HHIPL2: variants seen among roughly 807,000 people sequenced by gnomAD.
HHIPL2 encodes HHIP like 2, also known as HHIP-like protein 2.
A neutral mutation model predicts 61.0 loss-of-function variants in HHIPL2; 61 were observed. The observed-to-expected ratio is 1.00, with a 90% confidence interval of 0.81 to 1.24. The LOEUF (loss-of-function observed/expected upper bound fraction) is 1.24, where lower values mean the gene tolerates loss of function less well. Ranked by LOEUF, HHIPL2 falls within the 50% of genes most tolerant of loss-of-function variation. HHIPL2 has a pLI of 0.00. For synonymous variants in HHIPL2, 343 were observed against 357.4 expected, an observed-to-expected ratio of 0.96 and a Z score of 0.45; for missense variants, 885 against 910.2, an observed-to-expected ratio of 0.97 and a Z score of 0.36.
rs760096344 is a variant in HHIPL2, at chr1:222,522,628, C to A, written c.2148G>T (p.Gln716His). Residue 716 changes from glutamine to histidine, a missense_variant, in exon 9 of 9, where the codon CAG becomes CAT. Physicochemically the swap from Gln to His is conservative, Grantham distance 24. Transcript: ENST00000343410. ...HSGRMRPSAE[Q>H]KRAGRSLP The stretch of plus-strand genomic sequence containing the variant: ...AAGGGAGACTTCTGCCAGCTCGCTT[C>A]TGCTCTGCTGATGGCCTCATCCTGC... 1.2e-6 allele frequency: 2 copies of A among 1,613,800 alleles called. No individual in the cohort carries two copies. Among genetic ancestry groups the A allele is most frequent in the Admixed American group, 1.7e-5 (1 of 60,010 alleles).
chr1:222,539,116 G>A (rs1659368652), intron 4 of HHIPL2: 1 of 259,706 alleles, frequency 3.9e-6, no homozygotes. Flanking sequence ...TATTGTCACA[G>A]TCTGTAAGAC....
chr1:222,544,226 C>T, intron 1 of HHIPL2, 37 bp from the exon 2 acceptor site: 2 of 1,571,296 alleles, frequency 1.3e-6, no homozygotes, highest in South Asian at 1.1e-5. Flanking sequence ...CAGCATCAGA[C>T]CTGCCACACC....
chr1:222,542,123 T>C lies in HHIPL2; in HGVS notation c.1007A>G (p.Asn336Ser), dbSNP rs768764400. 8 of 1,613,812 alleles carry C rather than the reference T, an allele frequency of 5.0e-6. No homozygotes were observed. In the Admixed American group the frequency reaches 1.0e-4, roughly 20 times the overall value. ...AAAAAGAAGTTGTCCGCCATTATGGTTTGAGGCTGGTTCTTCAATCTCCAA... is the reference window on the plus strand; with the variant it reads ...AAAAAGAAGTTGTCCGCCATTATGGCTTGAGGCTGGTTCTTCAATCTCCAA... ...VILEIEEPASNHNGGQLLFGL... is the reference protein window; with the variant it reads ...VILEIEEPASSHNGGQLLFGL... Residue 336 changes from asparagine to serine, a missense_variant, in exon 3 of 9, where the codon AAC becomes AGC. Coordinates refer to ENST00000343410, the MANE Select transcript of HHIPL2 (RefSeq NM_024746.4).
intron 5 of HHIPL2, 40 bp from the exon 6 acceptor site, chr1:222,532,151 A>G: frequency 6.4e-7 from 1 of 1,574,606 alleles, no homozygotes; most frequent in Non-Finnish European, 8.7e-7. Context: ...GAATCCATAT[A>G]TCCACTCTGC....
chr1:222,529,419 G>A lies in HHIPL2; in HGVS notation c.1724-2369C>T, dbSNP rs528509759. 2.6e-5 allele frequency among the ~76,000 whole-genome samples: 4 copies of A among 152,256 alleles called. No individual in the cohort carries two copies. The South Asian group carries it at 8.3e-4, about 32-fold the overall frequency. On this transcript the variant is annotated intron_variant, in intron 6 of 8. Coordinates refer to ENST00000343410, the MANE Select transcript of HHIPL2 (RefSeq NM_024746.4). ...AAGGTCCACGTGTACACAGGCAGGGGCCCCTCGAAACCATGCAAAGGCCTT... is the reference window on the plus strand; with the variant it reads ...AAGGTCCACGTGTACACAGGCAGGGACCCCTCGAAACCATGCAAAGGCCTT...
chr1:222,537,734 G>A lies in HHIPL2; in HGVS notation c.1577+914C>T, dbSNP rs578221258. Reference sequence around the variant, plus strand: ...AGTAGAATCTACAAAAAAGCTATCAGAATGAACAAAGAGTTCAGCAAGGTT... The same window carrying A: ...AGTAGAATCTACAAAAAAGCTATCAAAATGAACAAAGAGTTCAGCAAGGTT... On this transcript the variant is annotated intron_variant, in intron 5 of 8. Coordinates refer to ENST00000343410, the MANE Select transcript of HHIPL2 (RefSeq NM_024746.4). 2.6e-5 allele frequency among the ~76,000 whole-genome samples: 4 copies of A among 151,602 alleles called. No individual in the cohort carries two copies. In the South Asian group the frequency reaches 8.3e-4, roughly 32 times the overall value.
At chr1:222,534,921 T>C (rs992396386) in intron 5 of HHIPL2, among the ~76,000 whole-genome samples, 3 of 152,100 alleles carry the variant, frequency 2.0e-5, no homozygotes, top group Non-Finnish European at 2.9e-5. Context: ...GAAGATATAA[T>C]GGCCAAAAAT....
chr1:222,546,063 T>TAAATAAATAAATAAAC (rs1317199423), intron 1 of HHIPL2, among the ~76,000 whole-genome samples: 3 of 151,404 alleles, frequency 2.0e-5, no homozygotes, highest in African/African-American at 7.3e-5. Flanking sequence ...AATAAATAAA[T>TAAATAAATAAATAAAC]AAATAAATAA....
chr1:222,544,140 G>A lies in HHIPL2; in HGVS notation c.371C>T (p.Thr124Met), dbSNP rs748201096. 17 of 1,613,694 alleles carry A rather than the reference G, an allele frequency of 1.1e-5. No homozygotes were observed. The highest frequency in any genetic ancestry group is 1.4e-5 in the Non-Finnish European group (17 of 1,180,024). The change falls in exon 2 of 9, where the codon ACG (threonine) becomes ATG (methionine). Residue 124 changes from threonine (T) to methionine (M), a missense_variant. Coordinates refer to ENST00000343410, the MANE Select transcript of HHIPL2 (RefSeq NM_024746.4). The part of the protein sequence containing the change: ...AHLYDAENTQ[T>M]PLRNLPGLCS... Reference sequence around the variant, plus strand: ...GAGGCCCGGGAGATTCCGGAGAGGCGTCTGGGTGTTTTCGGCGTCGTAGAG... The same window carrying A: ...GAGGCCCGGGAGATTCCGGAGAGGCATCTGGGTGTTTTCGGCGTCGTAGAG...
chr1:222,538,556 T>C (rs1255665110), intron 5 of HHIPL2, 92 bp downstream of exon 5: 7 of 1,172,980 alleles, frequency 6.0e-6, no homozygotes, highest in Non-Finnish European at 8.6e-6. Context: ...ACACCTGTGC[T>C]CTTACGTGAT....
intron 8 of HHIPL2, 133 bp from the exon 9 acceptor site, chr1:222,523,020 G>A: frequency 1.3e-6 from 1 of 746,086 alleles, no homozygotes; most frequent in South Asian, 2.5e-5. Flanking sequence ...ACTGGCCTTG[G>A]TCTAAATATA....
At chr1:222,538,881 C>G in intron 4 of HHIPL2, 107 bp from the exon 5 acceptor site, 2 of 1,142,398 alleles carry the variant, frequency 1.8e-6, no homozygotes, top group South Asian at 1.5e-5. Context: ...GTAAAGAACA[C>G]TTTACCTCTT....
In HHIPL2 at chr1:222,522,770, A is replaced by G; in HGVS notation, c.2006T>C (p.Leu669Pro). ...GLSEKGSSKK[L>P]ASPTSSKNTL... The stretch of plus-strand genomic sequence containing the variant: ...ATTCTTGCTGCTTGTAGGAGAAGCC[A>G]GCTTCTTGGAGGAGCCTTTCTCAGA... The change falls in exon 9 of 9, where the codon CTG becomes CCG. Residue 669 changes from leucine to proline, a missense_variant. Leu to Pro is a moderately conservative substitution (Grantham distance 98, BLOSUM62 -3). Coordinates refer to ENST00000343410, the MANE Select transcript of HHIPL2 (RefSeq NM_024746.4). The G allele has an allele frequency of 1.2e-6, 2 of 1,614,156 alleles. No individual in the cohort carries two copies. The highest frequency in any genetic ancestry group is 1.7e-6 in the Non-Finnish European group (2 of 1,180,034).
At chr1:222,543,355 TC>T (rs917525187) in intron 2 of HHIPL2, among the ~76,000 whole-genome samples, 181 bp downstream of exon 2, 7 of 152,228 alleles carry the variant, frequency 4.6e-5, no homozygotes, top group Admixed American at 3.3e-4. Flanking sequence ...GATGGCTACA[TC>T]CCATTAAACA....
chr1:222,540,503 A>T (rs1272821569), intron 3 of HHIPL2, among the ~76,000 whole-genome samples, 162 bp from the exon 4 acceptor site: 1 of 152,196 alleles, frequency 6.6e-6, no homozygotes, highest in Non-Finnish European at 1.5e-5. Flanking sequence ...TTGTACCCGC[A>T]AGTATGAGCT....
At chr1:222,541,991 C>G (rs771189273) in intron 3 of HHIPL2, 21 bp downstream of exon 3, 2 of 1,592,168 alleles carry the variant, frequency 1.3e-6, no homozygotes, top group East Asian at 4.5e-5. Flanking sequence ...GGGACAAGGG[C>G]CCGGCCCCCA....
At chr1:222,524,759 C>T (rs1659024657) in intron 7 of HHIPL2, among the ~76,000 whole-genome samples, 1 of 152,202 alleles carries the variant, frequency 6.6e-6, no homozygotes, top group Non-Finnish European at 1.5e-5. Context: ...GCATTTCGTG[C>T]AAAGACAAGC....
chr1:222,534,625 G>A (rs2129637), intron 5 of HHIPL2, among the ~76,000 whole-genome samples: 68,296 of 147,928 alleles, frequency 0.46, 16,665 homozygotes, highest in East Asian at 0.67. Context: ...GAGATACAGA[G>A]CAGACCCAAA....
At chr1:222,546,414 C>T (rs945616645) in intron 1 of HHIPL2, among the ~76,000 whole-genome samples, 3 of 152,146 alleles carry the variant, frequency 2.0e-5, no homozygotes, top group Admixed American at 6.5e-5. Flanking sequence ...ACACTACATA[C>T]GTTGGGGAAG....
Sources: allele counts gnomAD v4.1 joint callset (sites outside exome capture counted in the v4.1 genomes callset), GRCh38; gene constraint gnomAD v4.1.1; transcripts MANE v1.5; gene names NCBI Gene and HGNC (gene_info 2026-07-23, HGNC 2026-07-21).